The following ZNF599 variants were observed in gnomAD, a reference collection of about 807,000 sequenced individuals.
ZNF599 encodes the protein zinc finger protein 599.
Under a neutral mutation model 11.7 loss-of-function variants are expected in ZNF599, and 10 were observed. That is an observed-to-expected ratio of 0.86 (90% CI 0.53 to 1.45). ZNF599 has a LOEUF of 1.45. Among genes scored for constraint, ZNF599 ranks in the 40% most tolerant of loss-of-function variants. The pLI, the probability that ZNF599 is intolerant of heterozygous loss-of-function variation, is 0.00. For synonymous variants in ZNF599, 232 were observed against 253.2 expected (o/e 0.92, Z 0.79); for missense variants, 688 against 713.6 (o/e 0.96, Z 0.41).
intron 2 of ZNF599, 88 bp downstream of exon 2, chr19:34,769,341 T>A: frequency 6.3e-7 from 1 of 1,592,236 alleles, no homozygotes; most frequent in South Asian, 1.1e-5. Flanking sequence ...GAAGGTTGGG[T>A]TCTGAGGCTC....
At chr19:34,772,613 G>A in intron 1 of ZNF599, 1 of 1,360,848 alleles carries the variant, frequency 7.3e-7, no homozygotes, top group Non-Finnish European at 9.4e-7. Context: ...GCCAGAGACA[G>A]GGACCTCTCC....
chr19:34,760,462 TG>T lies in ZNF599; in HGVS notation c.338del (p.Ser113Ter). The T allele has an allele frequency of 6.2e-7, 1 of 1,614,180 alleles. No homozygotes were observed. The highest frequency in any genetic ancestry group is 8.5e-7 in the Non-Finnish European group (1 of 1,180,032). On this transcript the variant is annotated frameshift_variant, in exon 4 of 4. Transcript: ENST00000329285. LOFTEE classifies it low-confidence loss of function (END_TRUNC). ...SFQELLAQRS[S>X]RDSRLGQARD... ...TAGCTTGCCCCAACCTGGAATCTCT[TG>T]AGGATCTCTGTGCCAGAAGTTCCTG...
chr19:34,767,089 G>A lies in ZNF599; in HGVS notation c.241+227C>T, dbSNP rs555416589. 12 of 486,874 alleles carry A rather than the reference G, an allele frequency of 2.5e-5. No individual in the cohort carries two copies. The Admixed American group carries it at 3.6e-4, about 15-fold the overall frequency. 30.2% of individuals were successfully genotyped at this position (486,874 alleles called of 1,614,324 possible). A position where few individuals can be genotyped will look rare whatever the true frequency, so the allele number is the denominator to read the frequency against. On this transcript the variant is annotated intron_variant, in intron 3 of 3. Transcript: ENST00000329285. The stretch of plus-strand genomic sequence containing the variant: ...ACCTCTCCAGAGTCATGAGGCTAGT[G>A]AGTGGCAAATCATTAAAGCCTAGAA...
At chr19:34,761,546 CTA>C (rs1287591416) in intron 3 of ZNF599, among the ~76,000 whole-genome samples, 1 of 152,060 alleles carries the variant, frequency 6.6e-6, no homozygotes, top group African/African-American at 2.4e-5. Flanking sequence ...TATGATGAAA[CTA>C]TATGCATTCA....
chr19:34,800,586 GTTTTTT>G, the ZNF599 span, among the ~76,000 whole-genome samples: 2 of 112,978 alleles, frequency 1.8e-5, no homozygotes, highest in Non-Finnish European at 3.4e-5. Context: ...CATTTCCTTT[GTTTTTT>G]TTTTTTTTTT....
chr19:34,773,479 TAC>T (rs557000639), upstream of ZNF599, among the ~76,000 whole-genome samples: 240 of 152,258 alleles, frequency 1.6e-3, no homozygotes, highest in African/African-American at 5.4e-3. Flanking sequence ...CAAATGTCTC[TAC>T]CAGGCAACTC....
chr19:34,775,269 A>G (rs1219488503), upstream of ZNF599, among the ~76,000 whole-genome samples: 1 of 152,240 alleles, frequency 6.6e-6, no homozygotes, highest in African/African-American at 2.4e-5. Context: ...CAACTTATGA[A>G]TGGATAAACA....
At chr19:34,764,597 A>G (rs1600156724) in intron 3 of ZNF599, 2 of 152,236 alleles carry the variant, frequency 1.3e-5, no homozygotes, top group East Asian at 1.9e-4. Context: ...AACTCCAACT[A>G]TATGCAACCA....
the ZNF599 span, among the ~76,000 whole-genome samples, chr19:34,796,892 C>G: frequency 1.3e-5 from 2 of 152,158 alleles, no homozygotes; most frequent in Non-Finnish European, 1.5e-5. Flanking sequence ...CCCCCAGGGT[C>G]TCTGGACAAA....
chr19:34,794,250 C>T, the ZNF599 span, among the ~76,000 whole-genome samples: 31 of 152,242 alleles, frequency 2.0e-4, no homozygotes, highest in South Asian at 1.7e-3. Flanking sequence ...AGGAGCTACA[C>T]GATGAGATTT....
chr19:34,801,063 A>G, the ZNF599 span, among the ~76,000 whole-genome samples: 1 of 152,354 alleles, frequency 6.6e-6, no homozygotes, highest in South Asian at 2.1e-4. Context: ...CTGTGTGGTA[A>G]ACATGAGCAC....
chr19:34,780,717 A>C, the ZNF599 span, among the ~76,000 whole-genome samples: 1 of 150,882 alleles, frequency 6.6e-6, no homozygotes, highest in African/African-American at 2.4e-5. Flanking sequence ...AAAGAGAAAG[A>C]AGGAAAGAAA....
At chr19:34,776,226 G>A (rs902270709), upstream of ZNF599, among the ~76,000 whole-genome samples, 1 of 152,118 alleles carries the variant, frequency 6.6e-6, no homozygotes, top group African/African-American at 2.4e-5. Flanking sequence ...AATGTAAATT[G>A]TTTTTATATA....
At chr19:34,770,191 T>C (rs1600159461) in intron 1 of ZNF599, among the ~76,000 whole-genome samples, 1 of 152,244 alleles carries the variant, frequency 6.6e-6, no homozygotes, top group Non-Finnish European at 1.5e-5. Context: ...CTATAGCCCA[T>C]GATGTAAATG....
At position 34,759,731 on chromosome 19, in the gene ZNF599, T is replaced by C; in HGVS notation, c.1070A>G (p.His357Arg). The C allele has an allele frequency of 6.2e-7, 1 of 1,614,224 alleles. No individual in the cohort carries two copies. The highest frequency in any genetic ancestry group is 8.5e-7 in the Non-Finnish European group (1 of 1,180,042). Residue 357 changes from histidine (H) to arginine (R), a missense_variant, in exon 4 of 4, where the codon CAC (histidine) becomes CGC (arginine). Coordinates refer to ENST00000329285, the MANE Select transcript of ZNF599 (RefSeq NM_001007248.3). ...TTTTTCTCCTGTGTGGGTCACATTG[T>C]GCTGGATAAATGTGGAGCGGTGCGT... ...AFTHRSTFIQHNVTHTGEKPF... is the reference protein window; with the variant it reads ...AFTHRSTFIQRNVTHTGEKPF...
At position 34,773,108 on chromosome 19, in the gene ZNF599, T is replaced by A. The variant is rs2069196603; in HGVS notation, c.-267A>T. ...TAAGTGGGTCCTATCCTCCTCACTG[T>A]CCGTCTCTACTCGGTCTCGAAAAGT... On this transcript the variant is annotated 5_prime_UTR_variant, in exon 1 of 4. Coordinates refer to ENST00000329285, the MANE Select transcript of ZNF599 (RefSeq NM_001007248.3). 4.5e-6 allele frequency: 2 copies of A among 449,038 alleles called. No individual in the cohort carries two copies. The highest frequency in any genetic ancestry group is 4.1e-5 in the Admixed American group (1 of 24,170). The allele number at this position is 449,038 out of a possible 1,614,324, so 27.8% of individuals were successfully genotyped here.
chr19:34,782,262 A>G, the ZNF599 span, among the ~76,000 whole-genome samples: 2 of 152,236 alleles, frequency 1.3e-5, no homozygotes, highest in Non-Finnish European at 2.9e-5. Flanking sequence ...TGTTCAGAGG[A>G]ACCACTCCAC....
At chr19:34,772,732 A>G (rs888063063) in intron 1 of ZNF599, 92 bp downstream of exon 1, 1 of 1,529,526 alleles carries the variant, frequency 6.5e-7, no homozygotes, top group East Asian at 2.5e-5. Context: ...AAAAGGGAGA[A>G]GCACAGAGTC....
rs138633003 is a variant in ZNF599, at chr19:34,759,648, G to A, written c.1153C>T (p.His385Tyr). The A allele has an allele frequency of 2.5e-6, 4 of 1,614,126 alleles. No individual in the cohort carries two copies. The highest frequency in any genetic ancestry group is 2.7e-5 in the African/African-American group (2 of 74,936). ...TFCLNSSFTQHMRIHTGEKPY... is the reference protein window; with the variant it reads ...TFCLNSSFTQYMRIHTGEKPY... ...TTCTCTCCAGTGTGAATCCTCATGT[G>A]CTGAGTGAAGGATGAGTTGAGGCAA... Residue 385 changes from histidine to tyrosine, a missense_variant, in exon 4 of 4, where the codon CAC becomes TAC. His to Tyr is a moderately conservative substitution (Grantham distance 83). Coordinates refer to ENST00000329285, the MANE Select transcript of ZNF599 (RefSeq NM_001007248.3).
Sources: gnomAD v4.1 joint callset for allele counts (sites outside exome capture counted in the v4.1 genomes callset) on GRCh38, gnomAD v4.1.1 for gene constraint, MANE v1.5 for transcripts, NCBI Gene and HGNC (gene_info 2026-07-23, HGNC 2026-07-21) for gene names.